The following ABR variants were observed in gnomAD, a reference collection of about 807,000 sequenced individuals.
ABR encodes ABR activator of RhoGEF and GTPase.
A neutral mutation model predicts 107.2 loss-of-function variants in ABR; 35 were observed. The observed-to-expected ratio is 0.33, with a 90% confidence interval of 0.25 to 0.43. The LOEUF (loss-of-function observed/expected upper bound fraction) is 0.43. Among genes scored for constraint, ABR ranks in the 20% least tolerant of loss-of-function variants. ABR has a pLI of 1.00. For synonymous variants in ABR, 498 were observed against 462.0 expected (o/e 1.08, Z -1.00); for missense variants, 815 against 1,115.2 (o/e 0.73, Z 3.83).
intron 1 of ABR, among the ~76,000 whole-genome samples, chr17:1,172,286 C>T (rs1166034724): frequency 2.6e-5 from 4 of 152,232 alleles, no homozygotes; most frequent in African/African-American, 4.8e-5. Flanking sequence ...TCTTCAGCCT[C>T]CATACGGGGG....
chr17:1,057,130 G>A, intron 12 of ABR, 28 bp from the exon 13 acceptor site: 2 of 1,503,242 alleles, frequency 1.3e-6, no homozygotes, highest in Non-Finnish European at 1.8e-6. Flanking sequence ...AGAGAAGGGA[G>A]CGTGGGCACT....
chr17:1,173,759 C>T (rs912584731), intron 1 of ABR, among the ~76,000 whole-genome samples: 28 of 152,186 alleles, frequency 1.8e-4, no homozygotes, highest in Admixed American at 9.2e-4. Flanking sequence ...GCGGGAGCCG[C>T]TGTGGGAGGC....
intron 4 of ABR, among the ~76,000 whole-genome samples, chr17:1,088,356 C>T (rs1054418937): frequency 2.6e-5 from 4 of 152,010 alleles, no homozygotes; most frequent in Admixed American, 2.6e-4. Flanking sequence ...GACAGGTGTT[C>T]ACCATCCCTG....
chr17:1,134,304 G>A (rs557171806), intron 1 of ABR, among the ~76,000 whole-genome samples: 2 of 152,132 alleles, frequency 1.3e-5, no homozygotes, highest in South Asian at 2.1e-4. Context: ...TCCCAGCTAC[G>A]CAGGAGGCTG....
At chr17:1,169,819 G>T (rs897726598) in intron 1 of ABR, among the ~76,000 whole-genome samples, 1 of 152,116 alleles carries the variant, frequency 6.6e-6, no homozygotes, top group Non-Finnish European at 1.5e-5. Context: ...ATTTTAAAAG[G>T]CTGGAGAGCA....
rs1193748019 is a variant in ABR at position 1,114,324 on chromosome 17, A to G, written c.246+10859T>C. 8.6e-5 allele frequency among the ~76,000 whole-genome samples: 13 copies of G among 151,644 alleles called. No homozygotes were observed. The East Asian group carries it at 1.6e-3, about 18-fold the overall frequency. On this transcript the variant is annotated intron_variant, in intron 2 of 22. Coordinates refer to ENST00000302538, the MANE Select transcript of ABR (RefSeq NM_021962.5). ...GTCTCTACTAAAAATACAAAAATTA[A>G]CCAGGAGGGGTGGCACAGGCCTGTA...
intron 16 of ABR, among the ~76,000 whole-genome samples, chr17:1,018,433 C>G (rs1159829363): frequency 6.6e-6 from 1 of 152,192 alleles, no homozygotes; most frequent in Non-Finnish European, 1.5e-5. Context: ...TGAGGCAGGT[C>G]TCTCCACACA....
At chr17:1,125,127 C>T in intron 2 of ABR, 56 bp downstream of exon 2, 3 of 1,503,422 alleles carry the variant, frequency 2.0e-6, no homozygotes, top group Non-Finnish European at 2.7e-6. Flanking sequence ...GCCCACGATG[C>T]CCAGGCCTTC....
At chr17:1,208,390 C>T (rs1007864871) in intron 1 of ABR, among the ~76,000 whole-genome samples, 2 of 152,198 alleles carry the variant, frequency 1.3e-5, no homozygotes, top group African/African-American at 4.8e-5. Context: ...GGAACAGCAG[C>T]AGCATGTGCT....
intron 9 of ABR, among the ~76,000 whole-genome samples, chr17:1,068,001 CCACT>C (rs1216838948): frequency 6.6e-6 from 1 of 151,916 alleles, no homozygotes; most frequent in African/African-American, 2.4e-5. Context: ...GGCGCGATCT[CCACT>C]CACTCCAACC....
chr17:1,021,641 T>C (rs555770787), intron 16 of ABR, among the ~76,000 whole-genome samples: 1 of 151,002 alleles, frequency 6.6e-6, no homozygotes, highest in Non-Finnish European at 1.5e-5. Context: ...CCGTCTCTAC[T>C]AAAAATACAA....
chr17:1,208,097 A>G (rs569279899), intron 1 of ABR, among the ~76,000 whole-genome samples: 1 of 152,254 alleles, frequency 6.6e-6, no homozygotes, highest in African/African-American at 2.4e-5. Flanking sequence ...GGCCATTGAT[A>G]TCAGAGATGG....
At chr17:1,111,561 C>T (rs567712166) in intron 2 of ABR, among the ~76,000 whole-genome samples, 15 of 152,326 alleles carry the variant, frequency 9.8e-5, no homozygotes, top group African/African-American at 3.4e-4. Flanking sequence ...AAGGCCCCCC[C>T]AAACGGTTTA....
chr17:1,224,815 T>C (rs1322084372), intron 1 of ABR, among the ~76,000 whole-genome samples: 1 of 152,118 alleles, frequency 6.6e-6, no homozygotes, highest in Non-Finnish European at 1.5e-5. Context: ...GCTGGGACTA[T>C]AGGTTCACAC....
At chr17:1,069,379 A>G (rs980332864) in intron 9 of ABR, among the ~76,000 whole-genome samples, 13 of 152,194 alleles carry the variant, frequency 8.5e-5, no homozygotes, top group Admixed American at 6.5e-5. Flanking sequence ...AAAGGAAAAA[A>G]CCGGCCAGGC....
intron 16 of ABR, among the ~76,000 whole-genome samples, chr17:1,013,888 A>T (rs544330401): frequency 1.3e-5 from 2 of 152,332 alleles, no homozygotes; most frequent in African/African-American, 4.8e-5. Context: ...GGACTGTTCC[A>T]CGTTCTGTTT....
chr17:1,096,855 C>G (rs1341486522), intron 3 of ABR, among the ~76,000 whole-genome samples: 1 of 114,270 alleles, frequency 8.8e-6, no homozygotes, highest in Non-Finnish European at 1.7e-5. Context: ...CAGGAGAGAG[C>G]TGGGGAATGG....
intron 2 of ABR, among the ~76,000 whole-genome samples, chr17:1,108,130 G>C (rs1250044225): frequency 1.3e-5 from 2 of 152,250 alleles, no homozygotes; most frequent in African/African-American, 4.8e-5. Flanking sequence ...CTCCCTTCTC[G>C]ACACAGAACC....
At chr17:1,018,866 T>C (rs921243181) in intron 16 of ABR, among the ~76,000 whole-genome samples, 3 of 152,192 alleles carry the variant, frequency 2.0e-5, no homozygotes, top group Admixed American at 1.3e-4. Flanking sequence ...TAAGCTCTCA[T>C]AGCCGCTCCC....
Sources: allele counts gnomAD v4.1 joint callset (sites outside exome capture counted in the v4.1 genomes callset), GRCh38; gene constraint gnomAD v4.1.1; transcripts MANE v1.5; gene names NCBI Gene and HGNC (gene_info 2026-07-23, HGNC 2026-07-21).